Variants in PCBP3 observed in about 807,000 individuals in gnomAD.
PCBP3 encodes poly(rC) binding protein 3.
A neutral mutation model predicts 52.7 loss-of-function variants in PCBP3; 25 were observed. The observed-to-expected ratio is 0.47, with a 90% confidence interval of 0.35 to 0.66. PCBP3 has a LOEUF of 0.66. Among genes scored for constraint, PCBP3 ranks in the 30% least tolerant of loss-of-function variants. The pLI, the probability that PCBP3 is intolerant of heterozygous loss-of-function variation, is 0.01. For missense variants in PCBP3, 391 were observed against 490.3 expected (o/e 0.80, Z 1.91); for synonymous variants, 162 against 183.0 (o/e 0.89, Z 0.93).
intron 13 of PCBP3, among the ~76,000 whole-genome samples, chr21:45,924,132 C>T (rs1228268446): frequency 1.0e-5 from 1 of 99,036 alleles, no homozygotes; most frequent in Admixed American, 9.1e-5. Context: ...AAACAGCACA[C>T]GTAAGGTCGG....
At chr21:45,682,241 C>T (rs753996747) in intron 2 of PCBP3, among the ~76,000 whole-genome samples, 2 of 152,174 alleles carry the variant, frequency 1.3e-5, no homozygotes, top group Non-Finnish European at 2.9e-5. Flanking sequence ...ACTATGAACA[C>T]CCAGGGAATT....
chr21:45,734,435 CCT>C (rs1405985678), intron 2 of PCBP3, among the ~76,000 whole-genome samples: 3 of 152,152 alleles, frequency 2.0e-5, no homozygotes, highest in Non-Finnish European at 4.4e-5. Context: ...GGTACTCTGC[CCT>C]CTAATTCTAG....
At chr21:45,895,134 ATCCTCCTTACACACCACAAAG>A (rs2095792855) in intron 5 of PCBP3, among the ~76,000 whole-genome samples, 1 of 152,180 alleles carries the variant, frequency 6.6e-6, no homozygotes, top group Non-Finnish European at 1.5e-5. Context: ...CTCTTTGTAG[ATCCTCCTTACACACCACAAAG>A]GCAGTTGGAA....
In PCBP3 at chr21:45,864,607, CTG is replaced by C. The variant is rs201811497; in HGVS notation, c.10+14517_10+14518del. Among the ~76,000 whole-genome samples the C allele has an allele frequency of 3.8e-3, 578 of 152,264 alleles. 14 individuals carry two copies. Among genetic ancestry groups the C allele is most frequent in the Admixed American group, 0.032 (493 of 15,294 alleles). On this transcript the variant is annotated intron_variant, in intron 5 of 17. Coordinates refer to ENST00000681687, the MANE Select transcript of PCBP3 (RefSeq NM_001384156.1). ...GTACAATAGAGAGGGTTTGCAGTGTCTGTGTGGTGTGTCGACCATCGCTGCCA... is the reference window on the plus strand; with the variant it reads ...GTACAATAGAGAGGGTTTGCAGTGTCTGTGGTGTGTCGACCATCGCTGCCA...
chr21:45,885,283 T>A (rs1197927403), intron 5 of PCBP3, among the ~76,000 whole-genome samples: 8 of 152,224 alleles, frequency 5.3e-5, no homozygotes, highest in Non-Finnish European at 1.2e-4. Flanking sequence ...TCCTGTAGCA[T>A]GGGGTCATGT....
chr21:45,753,790 A>C (rs2087768841), intron 3 of PCBP3, among the ~76,000 whole-genome samples: 1 of 152,196 alleles, frequency 6.6e-6, no homozygotes, highest in Non-Finnish European at 1.5e-5. Flanking sequence ...AGAATGAAGG[A>C]GTCTCACAGT....
At chr21:45,733,208 T>C (rs1451563136) in intron 2 of PCBP3, among the ~76,000 whole-genome samples, 2 of 152,246 alleles carry the variant, frequency 1.3e-5, no homozygotes, top group East Asian at 3.8e-4. Context: ...AAAAATACTT[T>C]TCTTGTCTCT....
At chr21:45,747,752 G>GT in intron 3 of PCBP3, among the ~76,000 whole-genome samples, 1 of 152,374 alleles carries the variant, frequency 6.6e-6, no homozygotes, top group East Asian at 1.9e-4. Context: ...TTTGGAAATG[G>GT]TGCAGCACAC....
rs1443862233 is a variant in PCBP3 at position 45,919,966 on chromosome 21, TG to T, written c.717+2341del. 9.9e-5 allele frequency among the ~76,000 whole-genome samples: 15 copies of T among 152,270 alleles called. No homozygotes were observed. The East Asian group carries it at 2.9e-3, about 29-fold the overall frequency. On this transcript the variant is annotated intron_variant, in intron 13 of 17. Transcript: ENST00000681687. ...GCCAGGGGAGTCAGAGGCGACTTTC[TG>T]GGGTGGCCCAGTTCCATTAAGGACT...
At chr21:45,846,419 T>C (rs1207626394) in intron 4 of PCBP3, among the ~76,000 whole-genome samples, 3 of 150,574 alleles carry the variant, frequency 2.0e-5, no homozygotes, top group Non-Finnish European at 3.0e-5. Context: ...TACAAGCTAG[T>C]TTTTTGTTTG....
rs921716685 is a variant in PCBP3 at position 45,724,508 on chromosome 21, GA to G, written c.-199-10883del. Among the ~76,000 whole-genome samples, 2 of 152,204 alleles carry G rather than the reference GA, an allele frequency of 1.3e-5. No individual in the cohort carries two copies. The highest frequency in any genetic ancestry group is 4.8e-5 in the African/African-American group (2 of 41,444). ...AGTCCCAGCCCTGCCCCTGCCAAGCGAGGTGGGGACAGCTGGGAATCTCGCT... is the reference window on the plus strand; with the variant it reads ...AGTCCCAGCCCTGCCCCTGCCAAGCGGGTGGGGACAGCTGGGAATCTCGCT... On this transcript the variant is annotated intron_variant, in intron 2 of 17. Coordinates refer to ENST00000681687, the MANE Select transcript of PCBP3 (RefSeq NM_001384156.1). This position sits in a 1 kb window ranked among gnomAD's most constrained non-coding sequence, Gnocchi z 5.3.
chr21:45,886,297 G>A lies in PCBP3; in HGVS notation c.11-9911G>A, dbSNP rs1409120995. 1.3e-4 allele frequency among the ~76,000 whole-genome samples: 13 copies of A among 97,214 alleles called. 1 individual carries two copies. Among genetic ancestry groups the A allele is most frequent in the African/African-American group, 7.4e-4 (13 of 17,652 alleles). The allele number at this position is 97,214 out of a possible 152,430, so 63.8% of individuals were successfully genotyped here. ...CGCGGGTGCCAAGGGCAGAGGATGT[G>A]GTGAGGTGTGGAGGAGGCCTCATTG... On this transcript the variant is annotated intron_variant, in intron 5 of 17. Coordinates refer to ENST00000681687, the MANE Select transcript of PCBP3 (RefSeq NM_001384156.1).
chr21:45,770,134 G>A (rs866966757), intron 4 of PCBP3, among the ~76,000 whole-genome samples: 4 of 152,222 alleles, frequency 2.6e-5, no homozygotes, highest in African/African-American at 4.8e-5. Context: ...CCTTGTGTCC[G>A]TCTGAACGGC....
intron 7 of PCBP3, among the ~76,000 whole-genome samples, chr21:45,900,245 G>A (rs2095994791): frequency 6.6e-6 from 1 of 152,216 alleles, no homozygotes; most frequent in African/African-American, 2.4e-5. Flanking sequence ...CTGAGCCAGA[G>A]TGTAGCCGGC....
chr21:45,692,861 T>C (rs1174002171), intron 2 of PCBP3, among the ~76,000 whole-genome samples: 2 of 152,174 alleles, frequency 1.3e-5, no homozygotes, highest in Non-Finnish European at 1.5e-5. Context: ...CTCATGTAAC[T>C]AGGTACTAAA....
chr21:45,792,152 G>A (rs771228202), intron 4 of PCBP3, among the ~76,000 whole-genome samples: 3 of 152,290 alleles, frequency 2.0e-5, no homozygotes, highest in Non-Finnish European at 4.4e-5. Flanking sequence ...AGGCTACTGT[G>A]TTGAGATTAA....
chr21:45,652,604 G>A (rs1407826891), intron 1 of PCBP3, among the ~76,000 whole-genome samples: 1 of 151,982 alleles, frequency 6.6e-6, no homozygotes, highest in African/African-American at 2.4e-5. Flanking sequence ...ACCACGCCTG[G>A]CTAATTTTTG....
chr21:45,657,706 G>A (rs1168295592), intron 1 of PCBP3, among the ~76,000 whole-genome samples: 1 of 151,724 alleles, frequency 6.6e-6, no homozygotes, highest in Non-Finnish European at 1.5e-5. Flanking sequence ...ATTTTGATGG[G>A]GATTAATTGA....
Position 45,909,492 on chromosome 21 carries a change from A to G in PCBP3, c.471+6A>G. On this transcript the variant is annotated splice_donor_region_variant and intron_variant, in intron 10 of 17. Coordinates refer to ENST00000681687, the MANE Select transcript of PCBP3 (RefSeq NM_001384156.1). ...AGATCAAGGAGATCAGGGAGGTAAC[A>G]GGACCTTCCCAGCCTGGGCCGCTGC... 2 of 1,611,912 alleles carry G rather than the reference A, an allele frequency of 1.2e-6. No homozygotes were observed. Among genetic ancestry groups the G allele is most frequent in the Non-Finnish European group, 1.7e-6 (2 of 1,179,216 alleles).
Sources: allele counts gnomAD v4.1 joint callset (sites outside exome capture counted in the v4.1 genomes callset), GRCh38; gene constraint gnomAD v4.1.1; non-coding constraint Gnocchi (gnomAD v3.1); transcripts MANE v1.5; gene names NCBI Gene and HGNC (gene_info 2026-07-23, HGNC 2026-07-21).